The following PEBP4 variants were observed in gnomAD, a reference collection of about 807,000 sequenced individuals.
PEBP4 encodes the protein phosphatidylethanolamine binding protein 4, also known as phosphatidylethanolamine-binding protein 4.
PEBP4 carries 22 observed loss-of-function variants against 23.9 expected under a neutral mutation model. That is an observed-to-expected ratio of 0.92 (90% CI 0.66 to 1.31). The LOEUF (loss-of-function observed/expected upper bound fraction) is 1.31, where lower values mean the gene tolerates loss of function less well. Among genes scored for constraint, PEBP4 ranks in the 40% most tolerant of loss-of-function variants. The pLI is 0.00. For synonymous variants in PEBP4, 112 were observed against 99.3 expected (o/e 1.13, Z -0.76); for missense variants, 324 against 281.7 (o/e 1.15, Z -1.07).
At chr8:22,713,917 C>T (rs6989627) in intron 6 of PEBP4, among the ~76,000 whole-genome samples, 1 of 152,254 alleles carries the variant, frequency 6.6e-6, no homozygotes, top group Non-Finnish European at 1.5e-5. Context: ...CCTCTCCCTG[C>T]AGGCTCCCCT....
At chr8:22,824,648 C>T (rs1049229836) in intron 3 of PEBP4, among the ~76,000 whole-genome samples, 5 of 152,144 alleles carry the variant, frequency 3.3e-5, no homozygotes, top group African/African-American at 1.2e-4. Context: ...TTTCCTGCAA[C>T]TAGAGGGTCC....
At chr8:22,892,511 A>C (rs1808514925) in intron 3 of PEBP4, among the ~76,000 whole-genome samples, 1 of 152,204 alleles carries the variant, frequency 6.6e-6, no homozygotes, top group Admixed American at 6.5e-5. Context: ...AATTTTCTGT[A>C]TTAACTAGTT....
chr8:22,806,481 G>A (rs1319105790), intron 4 of PEBP4, among the ~76,000 whole-genome samples: 2 of 152,076 alleles, frequency 1.3e-5, no homozygotes, highest in Non-Finnish European at 2.9e-5. Flanking sequence ...CAGGTGTGGT[G>A]GCATGTGCAT....
intron 3 of PEBP4, among the ~76,000 whole-genome samples, chr8:22,895,226 T>A (rs913237771): frequency 6.6e-6 from 1 of 152,162 alleles, no homozygotes; most frequent in Non-Finnish European, 1.5e-5. Context: ...CAGTGGGTTA[T>A]CTGAAATGAA....
chr8:22,887,089 AGTGTGTGTGTGTGTGTGTGT>A (rs60863527), intron 3 of PEBP4: 1 of 147,352 alleles, frequency 6.8e-6, no homozygotes, highest in African/African-American at 2.5e-5. Flanking sequence ...GGACACTCCT[AGTGTGTGTGTGTGTGTGTGT>A]GTGTGTGTAT....
At position 22,727,032 on chromosome 8, in the gene PEBP4, C is replaced by A. The variant is rs371707101; in HGVS notation, c.403+143G>T. On this transcript the variant is annotated intron_variant, in intron 5 of 6. Transcript: ENST00000256404. ...CACTGATGGCAGTGACCATAAAAGG[C>A]AGTTGTGGAGATGAAATCAGGGCAT... The A allele has an allele frequency of 1.3e-4, 112 of 830,254 alleles. 2 individuals are homozygous for A. Among genetic ancestry groups the A allele is most frequent in the East Asian group, 7.8e-4 (30 of 38,372 alleles). The allele number at this position is 830,254 out of a possible 1,614,324, so 51.4% of individuals were successfully genotyped here.
intron 3 of PEBP4, among the ~76,000 whole-genome samples, chr8:22,889,349 A>G (rs764447782): frequency 1.3e-5 from 2 of 152,244 alleles, no homozygotes; most frequent in Non-Finnish European, 2.9e-5. Flanking sequence ...CTCAAAATCC[A>G]GAACAATGCA....
intron 3 of PEBP4, among the ~76,000 whole-genome samples, chr8:22,850,483 CGGGAGCTGTGATAGGGCTG>C (rs929768519): frequency 6.6e-6 from 1 of 151,994 alleles, no homozygotes; most frequent in Admixed American, 6.6e-5. Context: ...CCAGGTGAGG[CGGGAGCTGTGATAGGGCTG>C]GGCAGCGCCA....
chr8:22,774,896 C>A (rs1023903243), intron 4 of PEBP4, among the ~76,000 whole-genome samples: 1 of 152,136 alleles, frequency 6.6e-6, no homozygotes, highest in Non-Finnish European at 1.5e-5. Context: ...CTGTTTCATC[C>A]CTTTTAGGTC....
At chr8:22,785,877 T>G (rs1198872955) in intron 4 of PEBP4, among the ~76,000 whole-genome samples, 1 of 152,234 alleles carries the variant, frequency 6.6e-6, no homozygotes, top group Non-Finnish European at 1.5e-5. Flanking sequence ...ACGGGGCTAC[T>G]CTAAAGAATG....
intron 4 of PEBP4, among the ~76,000 whole-genome samples, chr8:22,809,853 TGC>T (rs1232436302): frequency 2.0e-5 from 3 of 152,254 alleles, no homozygotes; most frequent in African/African-American, 7.2e-5. Flanking sequence ...AGAGACAATA[TGC>T]CAGGTGGAGA....
intron 4 of PEBP4, among the ~76,000 whole-genome samples, chr8:22,790,961 C>T (rs1053897684): frequency 2.0e-5 from 3 of 152,164 alleles, no homozygotes; most frequent in Admixed American, 2.0e-4. Flanking sequence ...CCCCCCAGGG[C>T]TTAAGATGCT....
At chr8:22,912,439 A>C (rs1040014891) in intron 3 of PEBP4, among the ~76,000 whole-genome samples, 20 of 152,202 alleles carry the variant, frequency 1.3e-4, no homozygotes, top group Non-Finnish European at 2.2e-4. Flanking sequence ...TCCACTGTCA[A>C]CATTACAGGC....
chr8:22,902,616 G>C (rs1423822698), intron 3 of PEBP4, among the ~76,000 whole-genome samples: 1 of 152,182 alleles, frequency 6.6e-6, no homozygotes, highest in African/African-American at 2.4e-5. Flanking sequence ...CCTCAGCTCT[G>C]TCATCAGCCC....
chr8:22,887,119 T>A (rs1399175544), intron 3 of PEBP4: 1 of 127,730 alleles, frequency 7.8e-6, no homozygotes, highest in Non-Finnish European at 1.8e-5. Flanking sequence ...TGTGTGTGTA[T>A]GTGTGTGTGT....
At chr8:22,769,353 G>T (rs1222064006) in intron 4 of PEBP4, among the ~76,000 whole-genome samples, 1 of 152,212 alleles carries the variant, frequency 6.6e-6, no homozygotes, top group Non-Finnish European at 1.5e-5. Flanking sequence ...TGTTTTGAAG[G>T]CTCCTCCAGA....
At chr8:22,830,693 T>A (rs972026305) in intron 3 of PEBP4, among the ~76,000 whole-genome samples, 2 of 152,114 alleles carry the variant, frequency 1.3e-5, no homozygotes, top group African/African-American at 2.4e-5. Flanking sequence ...ATCTTTACCA[T>A]GTTCCTCCCT....
At chr8:22,838,271 T>G (rs1039404760) in intron 3 of PEBP4, among the ~76,000 whole-genome samples, 5 of 152,228 alleles carry the variant, frequency 3.3e-5, no homozygotes, top group Non-Finnish European at 7.3e-5. Context: ...CATACTTTCT[T>G]GCACACAGTA....
chr8:22,867,258 T>C (rs530520109), intron 3 of PEBP4, among the ~76,000 whole-genome samples: 68 of 152,366 alleles, frequency 4.5e-4, no homozygotes, highest in African/African-American at 1.5e-3. Context: ...CATTAGACTC[T>C]GTCAACATAT....
Sources: gnomAD v4.1 joint callset for allele counts (sites outside exome capture counted in the v4.1 genomes callset) on GRCh38, gnomAD v4.1.1 for gene constraint, MANE v1.5 for transcripts, NCBI Gene and HGNC (gene_info 2026-07-23, HGNC 2026-07-21) for gene names.